CHN2: variants seen among roughly 807,000 people sequenced by gnomAD.
CHN2 encodes chimerin 2.
In CHN2, 35 loss-of-function variants were observed where a neutral mutation model predicts 56.3. That is an observed-to-expected ratio of 0.62 (90% CI 0.47 to 0.82). The LOEUF is 0.82. Among genes scored for constraint, CHN2 ranks in the 40% least tolerant of loss-of-function variants. The pLI, the probability that CHN2 is intolerant of heterozygous loss-of-function variation, is 0.00. For synonymous variants in CHN2, 210 were observed against 212.8 expected (o/e 0.99, Z 0.12); for missense variants, 491 against 580.5 (o/e 0.85, Z 1.58).
At chr7:29,192,412 C>G (rs1328416282), upstream of CHN2, 1 of 152,204 alleles carries the variant, frequency 6.6e-6, no homozygotes, top group Non-Finnish European at 1.5e-5. Context: ...GAAACATAAT[C>G]TGTTGTCCTT....
chr7:29,368,391 G>A (rs1361558257), intron 3 of CHN2, among the ~76,000 whole-genome samples: 1 of 152,038 alleles, frequency 6.6e-6, no homozygotes, highest in Non-Finnish European at 1.5e-5. Flanking sequence ...AAATCTTTAT[G>A]CTTTGTCATA....
At chr7:29,234,282 T>C (rs1787006035) in intron 1 of CHN2, among the ~76,000 whole-genome samples, 1 of 152,174 alleles carries the variant, frequency 6.6e-6, no homozygotes, top group Admixed American at 6.5e-5. Context: ...AATGAAAATA[T>C]TAGTTGTTTG....
upstream of CHN2, chr7:29,193,449 A>G (rs945095224): frequency 1.3e-5 from 2 of 152,134 alleles, no homozygotes; most frequent in Non-Finnish European, 2.9e-5. Context: ...AAAAAGTTGA[A>G]CTACCCCAAT....
At position 29,305,390 on chromosome 7, in the gene CHN2, C is replaced by G. The variant is rs1794059176; in HGVS notation, c.50-49235C>G. ...TTACCTGCTGTCCATATTCTACATG[C>G]TCTAAATCATAAAATATTCAGCACC... On this transcript the variant is annotated intron_variant, in intron 1 of 12. Coordinates refer to ENST00000222792, the MANE Select transcript of CHN2 (RefSeq NM_004067.4). Among the ~76,000 whole-genome samples the G allele has an allele frequency of 2.6e-5, 4 of 152,148 alleles. No homozygotes were observed. In the South Asian group the frequency reaches 8.3e-4, roughly 32 times the overall value.
chr7:29,152,327 T>C (rs1206100177), intron 2 of CHN2, among the ~76,000 whole-genome samples: 10 of 152,168 alleles, frequency 6.6e-5, no homozygotes. Context: ...TCCCCCTTGA[T>C]TCTGAGACAG....
intron 6 of CHN2, among the ~76,000 whole-genome samples, chr7:29,414,845 C>G (rs1276919512): frequency 1.3e-5 from 2 of 152,106 alleles, no homozygotes; most frequent in African/African-American, 4.8e-5. Flanking sequence ...CATTGCCTTC[C>G]CCAGGCTCCT....
chr7:29,496,363 C>A (rs1468116176), intron 8 of CHN2, among the ~76,000 whole-genome samples: 1 of 151,848 alleles, frequency 6.6e-6, no homozygotes, highest in Non-Finnish European at 1.5e-5. Context: ...AAAAGCCATA[C>A]TTTGTCCTAC....
intron 1 of CHN2, among the ~76,000 whole-genome samples, chr7:29,317,983 CA>C (rs1451860663): frequency 6.6e-6 from 1 of 151,956 alleles, no homozygotes; most frequent in Non-Finnish European, 1.5e-5. Context: ...GACCCTGTCT[CA>C]AAAAAACAAA....
intron 2 of CHN2, among the ~76,000 whole-genome samples, chr7:29,165,913 C>G (rs1795844905): frequency 6.6e-6 from 1 of 152,148 alleles, no homozygotes; most frequent in Non-Finnish European, 1.5e-5. Flanking sequence ...AATTTATAAA[C>G]AGTGTTTGTC....
At chr7:29,157,757 T>C (rs1405277797) in intron 2 of CHN2, among the ~76,000 whole-genome samples, 1 of 152,086 alleles carries the variant, frequency 6.6e-6, no homozygotes, top group Non-Finnish European at 1.5e-5. Flanking sequence ...AACACTAAAC[T>C]CATTTTTCTG....
intron 6 of CHN2, among the ~76,000 whole-genome samples, chr7:29,412,336 TTTTTTTTTTTTTG>T (rs1489570713): frequency 0.15 from 19,953 of 131,284 alleles, 1,541 homozygotes; most frequent in South Asian, 0.22. Context: ...TTTTTTTTTT[TTTTTTTTTTTTTG>T]GGAGACGGAG....
intron 1 of CHN2, among the ~76,000 whole-genome samples, chr7:29,291,911 T>C (rs2214569): frequency 0.55 from 83,755 of 152,030 alleles, 23,357 homozygotes; most frequent in East Asian, 0.68. Flanking sequence ...GGAAGGACTT[T>C]TGCCCTTTAC....
At chr7:29,476,730 T>C (rs1786631224) in intron 6 of CHN2, among the ~76,000 whole-genome samples, 1 of 152,100 alleles carries the variant, frequency 6.6e-6, no homozygotes, top group African/African-American at 2.4e-5. Context: ...ACATTTTTTA[T>C]TACATACTTA....
intron 1 of CHN2, among the ~76,000 whole-genome samples, chr7:29,302,865 T>C (rs939287727): frequency 6.6e-6 from 1 of 152,234 alleles, no homozygotes; most frequent in Admixed American, 6.5e-5. Context: ...TTTTCTTGCT[T>C]GGCTTATTTC....
At chr7:29,174,388 G>C (rs1796997970) in intron 2 of CHN2, among the ~76,000 whole-genome samples, 1 of 152,130 alleles carries the variant, frequency 6.6e-6, no homozygotes, top group South Asian at 2.1e-4. Flanking sequence ...AAAGCTTTTC[G>C]AGGCCTGGAG....
chr7:29,308,400 A>T (rs570531684), intron 1 of CHN2, among the ~76,000 whole-genome samples: 1 of 152,090 alleles, frequency 6.6e-6, no homozygotes, highest in South Asian at 2.1e-4. Context: ...TTACAACCCA[A>T]TATCCTAGTG....
At chr7:29,418,939 A>G (rs1804050075) in intron 6 of CHN2, among the ~76,000 whole-genome samples, 1 of 152,226 alleles carries the variant, frequency 6.6e-6, no homozygotes, top group Non-Finnish European at 1.5e-5. Context: ...ATGAATATTC[A>G]TTAATAAGCC....
At chr7:29,147,241 T>A in intron 2 of CHN2, 1 of 401,734 alleles carries the variant, frequency 2.5e-6, no homozygotes, top group Non-Finnish European at 4.5e-6. Flanking sequence ...TAACACAAAA[T>A]AAAGGAGGGT....
chr7:29,487,483 G>C (rs12539388), intron 7 of CHN2, among the ~76,000 whole-genome samples: 22,329 of 152,022 alleles, frequency 0.15, 1,799 homozygotes, highest in Middle Eastern at 0.21. Context: ...TGATTACAAA[G>C]TCCTTGTTTT....
Sources: allele counts gnomAD v4.1 joint callset (sites outside exome capture counted in the v4.1 genomes callset), GRCh38; gene constraint gnomAD v4.1.1; transcripts MANE v1.5; gene names NCBI Gene and HGNC (gene_info 2026-07-23, HGNC 2026-07-21).